The following MTUS2 variants were observed in gnomAD, a reference collection of about 807,000 sequenced individuals.
The protein encoded by MTUS2 is microtubule-associated tumor suppressor candidate 2.
A neutral mutation model predicts 114.1 loss-of-function variants in MTUS2; 40 were observed. The ratio of observed to expected loss-of-function variants is 0.35; its 90% confidence interval spans 0.27 to 0.46. The LOEUF is 0.46. Ranked by LOEUF, MTUS2 falls within the 20% of genes least tolerant of loss-of-function variation. MTUS2 has a pLI of 1.00. For missense variants in MTUS2, 1,679 were observed against 1,705.4 expected, an observed-to-expected ratio of 0.98 and a Z score of 0.27; for synonymous variants, 688 against 672.0, an observed-to-expected ratio of 1.02 and a Z score of -0.37.
intron 2 of MTUS2, among the ~76,000 whole-genome samples, chr13:28,919,396 A>ACT (rs1364113234): frequency 6.6e-6 from 1 of 151,550 alleles, no homozygotes; most frequent in South Asian, 2.1e-4. Flanking sequence ...ATGTTATGCC[A>ACT]CTCTCTCTCG....
At chr13:29,031,326 CTATA>C (rs1216602915) in intron 3 of MTUS2, among the ~76,000 whole-genome samples, 3 of 146,284 alleles carry the variant, frequency 2.1e-5, no homozygotes, top group African/African-American at 7.6e-5. Flanking sequence ...TATATATTAT[CTATA>C]TATGTTTCAA....
At chr13:28,869,666 G>T (rs1877503879) in intron 2 of MTUS2, among the ~76,000 whole-genome samples, 1 of 152,148 alleles carries the variant, frequency 6.6e-6, no homozygotes, top group South Asian at 2.1e-4. Flanking sequence ...AGCTACTTAG[G>T]AGGCTGAGGC....
At chr13:28,952,956 G>A (rs1312063723) in intron 2 of MTUS2, among the ~76,000 whole-genome samples, 2 of 152,170 alleles carry the variant, frequency 1.3e-5, no homozygotes, top group Non-Finnish European at 2.9e-5. Flanking sequence ...TCATTAAAAT[G>A]TACCTTTAGC....
intron 2 of MTUS2, among the ~76,000 whole-genome samples, chr13:28,918,461 TTTA>T (rs1880865863): frequency 2.0e-5 from 3 of 151,974 alleles, no homozygotes; most frequent in Admixed American, 1.3e-4. Flanking sequence ...TGAAATCTAT[TTTA>T]TCTGATTTAC....
chr13:29,353,405 A>G (rs868501391), intron 7 of MTUS2, among the ~76,000 whole-genome samples: 1 of 152,080 alleles, frequency 6.6e-6, no homozygotes, highest in Non-Finnish European at 1.5e-5. Flanking sequence ...GGCTCAAGCA[A>G]TCTTCCTGCC....
chr13:29,293,629 A>C (rs1040239757), intron 6 of MTUS2, among the ~76,000 whole-genome samples: 1 of 152,134 alleles, frequency 6.6e-6, no homozygotes, highest in African/African-American at 2.4e-5. Flanking sequence ...ATATATGTGC[A>C]GGAACTTTCT....
intron 2 of MTUS2, among the ~76,000 whole-genome samples, chr13:28,984,695 C>T (rs1041415961): frequency 6.6e-6 from 1 of 152,208 alleles, no homozygotes; most frequent in Non-Finnish European, 1.5e-5. Flanking sequence ...TCTATAAAAC[C>T]ATCTGGGCCA....
chr13:29,352,382 GT>G (rs1869367420), intron 7 of MTUS2, among the ~76,000 whole-genome samples: 1 of 152,212 alleles, frequency 6.6e-6, no homozygotes, highest in Non-Finnish European at 1.5e-5. Context: ...TGACGCAGCT[GT>G]TTTGATGCCA....
At chr13:29,302,698 G>T (rs1401781911) in intron 6 of MTUS2, among the ~76,000 whole-genome samples, 1 of 152,216 alleles carries the variant, frequency 6.6e-6, no homozygotes, top group Non-Finnish European at 1.5e-5. Flanking sequence ...CCATCTCTGT[G>T]GTTCAGTTGA....
rs1238294980 is a variant in MTUS2, at chr13:29,503,806, C to G, written c.*600C>G. 1 of 232,718 alleles carries G rather than the reference C, an allele frequency of 4.3e-6. No homozygotes were observed. The highest frequency in any genetic ancestry group is 2.2e-5 in the African/African-American group (1 of 44,908). The allele number at this position is 232,718 out of a possible 1,614,324, so 14.4% of individuals were successfully genotyped here. On this transcript the variant is annotated 3_prime_UTR_variant, in exon 16 of 16. Transcript: ENST00000612955. ...CACCACCAAGTGGTACTCTCTTTAA[C>G]ACGAACACCAGCTATTTGTGAACGG...
chr13:28,956,068 TTTCCCCCAA>T (rs1428300769), intron 2 of MTUS2, among the ~76,000 whole-genome samples: 1 of 112,232 alleles, frequency 8.9e-6, no homozygotes, highest in African/African-American at 3.4e-5. Context: ...CCCCCCATCC[TTTCCCCCAA>T]GTCCCCAAAG....
chr13:29,142,707 A>G lies in MTUS2; in HGVS notation c.2644+41737A>G, dbSNP rs1237713820. ...GGCAACAGAGTGAGACTGTCTCAAA[A>G]CAAAAACAAAAACAAAAAAAGAAGT... On this transcript the variant is annotated intron_variant, in intron 5 of 15. Transcript: ENST00000612955. Among the ~76,000 whole-genome samples the G allele has an allele frequency of 2.0e-5, 3 of 152,156 alleles. No homozygotes were observed. In the East Asian group the frequency reaches 5.8e-4, roughly 29 times the overall value.
At chr13:29,139,112 A>G (rs961821329) in intron 5 of MTUS2, among the ~76,000 whole-genome samples, 3 of 150,504 alleles carry the variant, frequency 2.0e-5, no homozygotes, top group African/African-American at 7.4e-5. Flanking sequence ...GGTACTTTGC[A>G]TGTATTATCT....
intron 5 of MTUS2, among the ~76,000 whole-genome samples, chr13:29,165,774 A>G (rs1174770295): frequency 6.6e-6 from 1 of 152,192 alleles, no homozygotes; most frequent in Non-Finnish European, 1.5e-5. Context: ...AATGTTAGGG[A>G]TGCAGCTCTT....
intron 2 of MTUS2, among the ~76,000 whole-genome samples, chr13:28,935,240 T>G (rs1408163675): frequency 2.0e-5 from 3 of 152,184 alleles, no homozygotes; most frequent in Non-Finnish European, 2.9e-5. Context: ...TTTTCAGCTA[T>G]TCTGCATGAT....
chr13:29,144,434 G>C (rs61945870), intron 5 of MTUS2, among the ~76,000 whole-genome samples: 1 of 151,308 alleles, frequency 6.6e-6, no homozygotes, highest in Non-Finnish European at 1.5e-5. Context: ...TGCAGTCGTG[G>C]CTCACTGCAT....
At chr13:29,238,584 A>G (rs1566084565) in intron 5 of MTUS2, among the ~76,000 whole-genome samples, 1 of 152,224 alleles carries the variant, frequency 6.6e-6, no homozygotes, top group African/African-American at 2.4e-5. Flanking sequence ...GAAGGCTGGA[A>G]GACTGAGCAA....
chr13:29,160,258 C>T (rs1323792535), intron 5 of MTUS2, among the ~76,000 whole-genome samples: 1 of 152,226 alleles, frequency 6.6e-6, no homozygotes, highest in African/African-American at 2.4e-5. Context: ...TCTGCCATCC[C>T]TGAGACTACA....
In MTUS2 at chr13:29,281,777, C is replaced by T. The variant is rs202003541; in HGVS notation, c.2718C>T (p.Ala906=). 1.8e-5 allele frequency: 29 copies of T among 1,612,310 alleles called. No individual in the cohort carries two copies. The highest frequency in any genetic ancestry group is 5.3e-5 in the African/African-American group (4 of 75,002). ...CTTCTAAGGACACACCCAAGGGGGC[C>T]GGCCGGGTGGCCCCTCCAGCATCCT... ...SLPSKDTPKG[A]GRVAPPASSS... is the part of the protein sequence containing the mutation. The change falls in exon 6 of 16, where the codon GCC becomes GCT. Residue 906 remains alanine (A), a synonymous_variant. Transcript: ENST00000612955.
Sources: allele counts gnomAD v4.1 joint callset (sites outside exome capture counted in the v4.1 genomes callset), GRCh38; gene constraint gnomAD v4.1.1; transcripts MANE v1.5; gene names NCBI Gene and HGNC (gene_info 2026-07-23, HGNC 2026-07-21).